Variants in FBLN7 observed in about 807,000 individuals in gnomAD.
FBLN7 encodes the protein fibulin 7, also known as fibulin-7.
Under a neutral mutation model 44.0 loss-of-function variants are expected in FBLN7, and 31 were observed. The ratio of observed to expected loss-of-function variants is 0.70; its 90% CI spans 0.53 to 0.95. The LOEUF (loss-of-function observed/expected upper bound fraction) is 0.95, where lower values mean the gene tolerates loss of function less well. Among genes scored for constraint, FBLN7 ranks in the 40% least tolerant of loss-of-function variants. The pLI is 0.00. For missense variants in FBLN7, 573 were observed against 618.5 expected (o/e 0.93, Z 0.78); for synonymous variants, 262 against 253.4 (o/e 1.03, Z -0.32).
At chr2:112,195,738 AC>A in the FBLN7 span, among the ~76,000 whole-genome samples, 4 of 152,230 alleles carry the variant, frequency 2.6e-5, no homozygotes, top group East Asian at 7.7e-4. Flanking sequence ...ATCCCTACAG[AC>A]CTGACCTGCT....
chr2:112,213,297 A>C, the FBLN7 span: 1 of 151,662 alleles, frequency 6.6e-6, no homozygotes, highest in African/African-American at 2.4e-5. Flanking sequence ...GTAACCCCCC[A>C]GTGGTTATGC....
At chr2:112,169,960 G>A (rs1350502323) in intron 3 of FBLN7, among the ~76,000 whole-genome samples, 4 of 152,216 alleles carry the variant, frequency 2.6e-5, no homozygotes, top group Non-Finnish European at 5.9e-5. Context: ...GGAAGAAGGG[G>A]CCAGGCGCGG....
chr2:112,159,436 T>G (rs987141680), intron 1 of FBLN7, among the ~76,000 whole-genome samples: 3 of 152,198 alleles, frequency 2.0e-5, no homozygotes, highest in Non-Finnish European at 4.4e-5. Context: ...AAATAACTGT[T>G]CATCCACCCG....
At chr2:112,144,372 C>T (rs1680795587) in intron 1 of FBLN7, among the ~76,000 whole-genome samples, 1 of 152,156 alleles carries the variant, frequency 6.6e-6, no homozygotes, top group Non-Finnish European at 1.5e-5. Flanking sequence ...CTTCAAAAAG[C>T]ATGTTTCTGT....
rs80163946 is a variant in FBLN7, at chr2:112,148,634, G to A, written c.75+9904G>A. 2.2e-3 allele frequency among the ~76,000 whole-genome samples: 335 copies of A among 152,342 alleles called. 2 individuals carry two copies. Among genetic ancestry groups the A allele is most frequent in the African/African-American group, 6.1e-3 (253 of 41,580 alleles). ...CAGCTCATCTGGACTGGCCTTGCTCGTTTGTCTGTAGTCAGCTGCCAAGCT... is the reference window on the plus strand; with the variant it reads ...CAGCTCATCTGGACTGGCCTTGCTCATTTGTCTGTAGTCAGCTGCCAAGCT... On this transcript the variant is annotated intron_variant, in intron 1 of 7. Coordinates refer to ENST00000331203, the MANE Select transcript of FBLN7 (RefSeq NM_153214.3).
intron 1 of FBLN7, chr2:112,152,757 T>A (rs1322605125): frequency 6.6e-6 from 1 of 152,208 alleles, no homozygotes; most frequent in African/African-American, 2.4e-5. Flanking sequence ...TGGCCCTGGG[T>A]CTCCAGCCTG....
chr2:112,149,695 C>G (rs972840659), intron 1 of FBLN7, among the ~76,000 whole-genome samples: 2 of 152,194 alleles, frequency 1.3e-5, no homozygotes, highest in African/African-American at 4.8e-5. Context: ...TTTCCATGCT[C>G]TTCAGTAACT....
intron 4 of FBLN7, chr2:112,176,783 A>G (rs192520142): frequency 6.6e-6 from 1 of 152,358 alleles, no homozygotes; most frequent in East Asian, 1.9e-4. Context: ...AACTGAGGCC[A>G]GAGACAGGGC....
At chr2:112,160,533 G>A (rs1460136302) in intron 2 of FBLN7, among the ~76,000 whole-genome samples, 6 of 152,150 alleles carry the variant, frequency 3.9e-5, no homozygotes, top group Non-Finnish European at 8.8e-5. Context: ...TTTTGGTTTT[G>A]TTTTCATTTT....
At chr2:112,232,050 G>A in the FBLN7 span, 23 of 612,332 alleles carry the variant, frequency 3.8e-5, no homozygotes, top group Admixed American at 3.5e-4. Flanking sequence ...GTGGCCGGGC[G>A]AGGTGGCTCA....
chr2:112,234,218 T>G, the FBLN7 span: 1 of 1,604,960 alleles, frequency 6.2e-7, no homozygotes. Flanking sequence ...TGCTGCTGCT[T>G]CTCTTTAGGT....
intron 1 of FBLN7, among the ~76,000 whole-genome samples, chr2:112,151,087 A>C (rs967416575): frequency 6.6e-6 from 1 of 152,190 alleles, no homozygotes; most frequent in African/African-American, 2.4e-5. Flanking sequence ...CAGAGGGCCC[A>C]GCCGGTGCAA....
chr2:112,139,015 C>T, intron 1 of FBLN7, among the ~76,000 whole-genome samples: 1 of 94,470 alleles, frequency 1.1e-5, no homozygotes, highest in African/African-American at 4.5e-5. Flanking sequence ...CTCTCCAGGT[C>T]AGCGTCCCTC....
the FBLN7 span, among the ~76,000 whole-genome samples, chr2:112,230,127 A>G: frequency 1.5e-4 from 23 of 152,224 alleles, no homozygotes; most frequent in Non-Finnish European, 5.9e-5. Context: ...AAAACCAGTA[A>G]GCATAAGAAA....
chr2:112,237,876 A>C, the FBLN7 span, among the ~76,000 whole-genome samples: 1 of 152,174 alleles, frequency 6.6e-6, no homozygotes, highest in Non-Finnish European at 1.5e-5. Context: ...CAAAAATTTC[A>C]TTTATAATTG....
chr2:112,161,879 G>T (rs1020836071), intron 2 of FBLN7, among the ~76,000 whole-genome samples: 9 of 152,238 alleles, frequency 5.9e-5, no homozygotes, highest in Non-Finnish European at 1.2e-4. Context: ...CTTTATGCGT[G>T]CAGAGGCTGA....
intron 3 of FBLN7, among the ~76,000 whole-genome samples, 197 bp downstream of exon 3, chr2:112,165,368 C>T (rs896115832): frequency 3.9e-5 from 6 of 152,214 alleles, no homozygotes; most frequent in Non-Finnish European, 7.3e-5. Flanking sequence ...TATGAGCTCA[C>T]TATATCTTCA....
chr2:112,148,068 G>A (rs72831613), intron 1 of FBLN7, among the ~76,000 whole-genome samples: 3,917 of 152,106 alleles, frequency 0.026, 71 homozygotes, highest in Middle Eastern at 0.051. Context: ...CAGGACTTGA[G>A]ACTTATTTCT....
At chr2:112,241,448 T>C in the FBLN7 span, among the ~76,000 whole-genome samples, 6 of 151,994 alleles carry the variant, frequency 3.9e-5, no homozygotes, top group African/African-American at 1.4e-4. Flanking sequence ...GACCCCCCCC[T>C]CAAGGGCCTA....
Sources: gnomAD v4.1 joint callset for allele counts (sites outside exome capture counted in the v4.1 genomes callset) on GRCh38, gnomAD v4.1.1 for gene constraint, MANE v1.5 for transcripts, NCBI Gene and HGNC (gene_info 2026-07-23, HGNC 2026-07-21) for gene names.